Variants in RXYLT1 observed in about 807,000 individuals in gnomAD.
RXYLT1 encodes the protein ribitol xylosyltransferase 1.
A neutral mutation model predicts 43.5 loss-of-function variants in RXYLT1; 41 were observed. The ratio of observed to expected loss-of-function variants is 0.94; its 90% CI spans 0.73 to 1.22. The LOEUF (loss-of-function observed/expected upper bound fraction) is 1.22, where lower values mean the gene tolerates loss of function less well. Among genes scored for constraint, RXYLT1 ranks in the 50% most tolerant of loss-of-function variants. RXYLT1 has a pLI of 0.00. For synonymous variants in RXYLT1, 166 were observed against 194.4 expected (o/e 0.85, Z 1.21); for missense variants, 514 against 532.0 (o/e 0.97, Z 0.33).
chr12:63,794,270 T>G (rs1314671477), intron 3 of RXYLT1, among the ~76,000 whole-genome samples: 1 of 152,172 alleles, frequency 6.6e-6, no homozygotes, highest in Admixed American at 6.5e-5. Context: ...CAGATCTCTA[T>G]TATAGTCCAC....
chr12:63,792,339 G>T (rs1215903981), intron 3 of RXYLT1, among the ~76,000 whole-genome samples: 1 of 152,198 alleles, frequency 6.6e-6, no homozygotes, highest in African/African-American at 2.4e-5. Context: ...TTTGACAGAA[G>T]ACAGCTGCTG....
chr12:63,799,389 T>G (rs979525308), intron 3 of RXYLT1, among the ~76,000 whole-genome samples: 7 of 149,586 alleles, frequency 4.7e-5, no homozygotes, highest in Non-Finnish European at 1.0e-4. Flanking sequence ...ACTGCAGCCT[T>G]GACTTCCTGG....
At chr12:63,785,217 C>T (rs1458416334) in intron 3 of RXYLT1, 145 bp downstream of exon 3, 1 of 472,468 alleles carries the variant, frequency 2.1e-6, no homozygotes, top group Non-Finnish European at 3.6e-6. Flanking sequence ...AAGTAAATCT[C>T]ATGAATATGT....
intron 3 of RXYLT1, among the ~76,000 whole-genome samples, chr12:63,800,990 C>T (rs998545921): frequency 6.6e-6 from 1 of 151,574 alleles, no homozygotes; most frequent in African/African-American, 2.4e-5. Flanking sequence ...AATTTCAGCT[C>T]TCTGTCATAT....
At chr12:63,794,423 T>A (rs541169906) in intron 3 of RXYLT1, among the ~76,000 whole-genome samples, 2 of 152,328 alleles carry the variant, frequency 1.3e-5, no homozygotes, top group South Asian at 4.1e-4. Context: ...TTTATAATTC[T>A]TCAAAAATTA....
At chr12:63,796,438 A>G (rs60637948) in intron 3 of RXYLT1, among the ~76,000 whole-genome samples, 5,015 of 152,184 alleles carry the variant, frequency 0.033, 250 homozygotes, top group East Asian at 0.15. Flanking sequence ...GACCATGTAG[A>G]TAACCTGTTT....
Position 63,789,654 on chromosome 12 carries a change from A to G in RXYLT1, c.428+4582A>G, listed in dbSNP as rs77719913. Reference sequence around the variant, plus strand: ...AATGAGGTGTGCTGGTATTATGGCCAAAGAGTAATACCGTTTCCTCTTAGG... The same window carrying G: ...AATGAGGTGTGCTGGTATTATGGCCGAAGAGTAATACCGTTTCCTCTTAGG... On this transcript the variant is annotated intron_variant, in intron 3 of 5. Coordinates refer to ENST00000261234, the MANE Select transcript of RXYLT1 (RefSeq NM_014254.3). Among the ~76,000 whole-genome samples the G allele has an allele frequency of 6.2e-3, 941 of 152,330 alleles. 12 individuals carry two copies. Among genetic ancestry groups the G allele is most frequent in the African/African-American group, 0.02 (852 of 41,570 alleles).
chr12:63,785,188 C>A, intron 3 of RXYLT1, 116 bp downstream of exon 3: 1 of 611,408 alleles, frequency 1.6e-6, no homozygotes, highest in Non-Finnish European at 2.6e-6. Context: ...ACTTCTATTT[C>A]AACTTGTAAA....
intron 4 of RXYLT1, among the ~76,000 whole-genome samples, chr12:63,803,210 A>T (rs1266672528): frequency 6.7e-6 from 1 of 149,252 alleles, no homozygotes; most frequent in African/African-American, 2.5e-5. Flanking sequence ...AAAAAAAAAA[A>T]AGATATAGTC....
intron 3 of RXYLT1, among the ~76,000 whole-genome samples, chr12:63,799,019 T>C (rs1898095700): frequency 6.6e-6 from 1 of 152,084 alleles, no homozygotes; most frequent in Non-Finnish European, 1.5e-5. Flanking sequence ...CACTGAAAAA[T>C]TTACAGGAAC....
At chr12:63,799,302 C>CTTTTTTTTTTTTTTTT (rs11312130) in intron 3 of RXYLT1, among the ~76,000 whole-genome samples, 1 of 71,632 alleles carries the variant, frequency 1.4e-5, no homozygotes, top group Non-Finnish European at 2.6e-5. Flanking sequence ...CTTTTCTTTT[C>CTTTTTTTTTTTTTTTT]TTTTTTTTTT....
Position 63,802,072 on chromosome 12 carries a change from G to C in RXYLT1, c.429-19G>C. 6.4e-7 allele frequency: 1 copy of C among 1,551,622 alleles called. No individual in the cohort carries two copies. Among genetic ancestry groups the C allele is most frequent in the Non-Finnish European group, 8.7e-7 (1 of 1,150,688 alleles). On this transcript the variant is annotated intron_variant, in intron 3 of 5. Coordinates refer to ENST00000261234, the MANE Select transcript of RXYLT1 (RefSeq NM_014254.3). ...CAGGCTTTGTTTGTCTCTTGTTTTT[G>C]TTGTGTTGTTTTTAACAGCTTCATC... is the stretch of plus-strand genomic sequence containing the variant.
At position 63,783,173 on chromosome 12, in the gene RXYLT1, C is replaced by T. The variant is rs137859249; in HGVS notation, c.326-1797C>T. Among the ~76,000 whole-genome samples, 11 of 152,290 alleles carry T rather than the reference C, an allele frequency of 7.2e-5. No homozygotes were observed. The East Asian group carries it at 1.5e-3, about 21-fold the overall frequency. On this transcript the variant is annotated intron_variant, in intron 2 of 5. Coordinates refer to ENST00000261234, the MANE Select transcript of RXYLT1 (RefSeq NM_014254.3). ...GCCCTCACCAGCAATTTCTTTAATA[C>T]GCATATTCTAGGCATGGCGTCTCAC...
chr12:63,783,799 C>T (rs1897740660), intron 2 of RXYLT1, among the ~76,000 whole-genome samples: 2 of 152,188 alleles, frequency 1.3e-5, no homozygotes, highest in Non-Finnish European at 2.9e-5. Flanking sequence ...CAAATTACCA[C>T]AAATGCAGTA....
chr12:63,803,181 CAAAAAAAAAAAAA>C lies in RXYLT1; in HGVS notation c.743+794_743+806del, dbSNP rs763579072. Among the ~76,000 whole-genome samples the C allele has an allele frequency of 1.3e-3, 30 of 22,592 alleles. No individual in the cohort carries two copies. In the South Asian group the frequency reaches 0.033, roughly 25 times the overall value. 14.8% of individuals were successfully genotyped at this position (22,592 alleles called of 152,430 possible). On this transcript the variant is annotated intron_variant, in intron 4 of 5. Coordinates refer to ENST00000261234, the MANE Select transcript of RXYLT1 (RefSeq NM_014254.3). The stretch of plus-strand genomic sequence containing the variant: ...ACAGAGTGAGATGAGACTGTCTCAC[CAAAAAAAAAAAAA>C]AAAAAAAAAAAAAAAAAGATATAGT...
At chr12:63,803,989 G>A (rs987215153) in intron 4 of RXYLT1, 1 of 152,094 alleles carries the variant, frequency 6.6e-6, no homozygotes, top group African/African-American at 2.4e-5. Context: ...AAGTAGCTGG[G>A]ATTACAGGTG....
chr12:63,808,790 G>C lies in RXYLT1; in HGVS notation c.1030G>C (p.Ala344Pro), dbSNP rs200941363. The change falls in exon 6 of 6, where the codon GCT (alanine) becomes CCT (proline). Residue 344 changes from alanine to proline, a missense_variant. Coordinates refer to ENST00000261234, the MANE Select transcript of RXYLT1 (RefSeq NM_014254.3). ...CACAGAATGCTATCGAATCTATGAG[G>C]CTTGCTCCTATGGCTCCATTCCTGT... ...VNTECYRIYE[A>P]CSYGSIPVVE... is the part of the protein sequence containing the mutation. 2 of 1,613,892 alleles carry C rather than the reference G, an allele frequency of 1.2e-6. No individual in the cohort carries two copies. Among genetic ancestry groups the C allele is most frequent in the East Asian group, 4.5e-5 (2 of 44,884 alleles).
chr12:63,798,663 C>A (rs986117983), intron 3 of RXYLT1, among the ~76,000 whole-genome samples: 1 of 152,196 alleles, frequency 6.6e-6, no homozygotes, highest in Non-Finnish European at 1.5e-5. Flanking sequence ...CATTAGATTA[C>A]CCTGCATTTA....
chr12:63,796,342 A>C (rs1339120021), intron 3 of RXYLT1, among the ~76,000 whole-genome samples: 1 of 152,182 alleles, frequency 6.6e-6, no homozygotes, highest in Non-Finnish European at 1.5e-5. Flanking sequence ...AACTTTGATC[A>C]CTTGGCTAAG....
Sources: allele counts gnomAD v4.1 joint callset (sites outside exome capture counted in the v4.1 genomes callset), GRCh38; gene constraint gnomAD v4.1.1; transcripts MANE v1.5; gene names NCBI Gene and HGNC (gene_info 2026-07-23, HGNC 2026-07-21).